Variants in RAB3GAP2 observed in about 807,000 individuals in gnomAD.
RAB3GAP2 encodes RAB3 GTPase activating non-catalytic protein subunit 2.
Under a neutral mutation model 185.3 loss-of-function variants are expected in RAB3GAP2, and 87 were observed. The ratio of observed to expected loss-of-function variants is 0.47; its 90% CI spans 0.39 to 0.56. RAB3GAP2 has a LOEUF of 0.56. Ranked by LOEUF, RAB3GAP2 falls within the 20% of genes least tolerant of loss-of-function variation. The pLI is 0.00. For missense variants in RAB3GAP2, 1,492 were observed against 1,638.2 expected (o/e 0.91, Z 1.54); for synonymous variants, 554 against 576.1 (o/e 0.96, Z 0.55).
intron 1 of RAB3GAP2, among the ~76,000 whole-genome samples, chr1:220,243,733 A>C (rs541081956): frequency 4.3e-4 from 65 of 152,334 alleles, no homozygotes; most frequent in African/African-American, 1.5e-3. Flanking sequence ...AAACAGCAAT[A>C]CAACGAGGTG....
chr1:220,159,741 G>C (rs1165999107), intron 28 of RAB3GAP2, among the ~76,000 whole-genome samples: 1 of 152,162 alleles, frequency 6.6e-6, no homozygotes, highest in Non-Finnish European at 1.5e-5. Flanking sequence ...GCCTGGGCCG[G>C]GTGTGGTAGT....
chr1:220,256,855 CAA>C (rs2102528283), intron 1 of RAB3GAP2, among the ~76,000 whole-genome samples: 1 of 152,244 alleles, frequency 6.6e-6, no homozygotes, highest in African/African-American at 2.4e-5. Flanking sequence ...AGAAAATTAA[CAA>C]AGATATTCAG....
intron 1 of RAB3GAP2, among the ~76,000 whole-genome samples, chr1:220,248,018 ATAT>A (rs910589137): frequency 2.6e-5 from 4 of 151,082 alleles, no homozygotes; most frequent in Non-Finnish European, 4.4e-5. Flanking sequence ...TTAAATAAAA[ATAT>A]TATGAGATCC....
intron 18 of RAB3GAP2, among the ~76,000 whole-genome samples, chr1:220,184,746 T>C (rs2102866381): frequency 6.6e-6 from 1 of 152,212 alleles, no homozygotes; most frequent in East Asian, 1.9e-4. Flanking sequence ...GAAGATAACT[T>C]TTCATTTAAT....
At chr1:220,153,863 G>A in intron 32 of RAB3GAP2, 105 bp downstream of exon 32, 2 of 1,493,036 alleles carry the variant, frequency 1.3e-6, no homozygotes, top group Non-Finnish European at 1.8e-6. Flanking sequence ...TTGGTTTTCT[G>A]TCCTTGCGAT....
intron 1 of RAB3GAP2, among the ~76,000 whole-genome samples, chr1:220,252,073 T>C (rs968847283): frequency 6.7e-6 from 1 of 149,930 alleles, no homozygotes. Flanking sequence ...GCAGGATCAA[T>C]TGAGCCCAGA....
intron 1 of RAB3GAP2, among the ~76,000 whole-genome samples, chr1:220,251,874 TG>T (rs908246941): frequency 1.3e-5 from 2 of 152,116 alleles, no homozygotes; most frequent in African/African-American, 4.8e-5. Context: ...TGCTATAGAC[TG>T]GGTGCGGTGG....
chr1:220,195,493 A>G (rs1380344966), intron 10 of RAB3GAP2, 116 bp from the exon 11 acceptor site: 10 of 943,974 alleles, frequency 1.1e-5, no homozygotes, highest in Non-Finnish European at 1.7e-5. Context: ...TGGACTAGCA[A>G]CTCAGCTTCT....
intron 10 of RAB3GAP2, 23 bp downstream of exon 10, chr1:220,196,227 A>T: frequency 1.2e-6 from 2 of 1,608,718 alleles, no homozygotes; most frequent in East Asian, 2.2e-5. Context: ...AGCCTTACTC[A>T]TGATCATTGA....
At chr1:220,252,762 C>T (rs1475606486) in intron 1 of RAB3GAP2, among the ~76,000 whole-genome samples, 2 of 152,170 alleles carry the variant, frequency 1.3e-5, no homozygotes, top group Non-Finnish European at 2.9e-5. Context: ...ATACACAGAG[C>T]TGTGTAGAGT....
chr1:220,171,917 T>C lies in RAB3GAP2; in HGVS notation c.2549A>G (p.Gln850Arg). The change falls in exon 23 of 35, where the codon CAG becomes CGG. Residue 850 changes from glutamine (Q) to arginine (R), a missense_variant. Physicochemically the swap from Gln to Arg is conservative, Grantham distance 43. This residue lies in a region of RAB3GAP2 where 681 missense variants were observed against 689.1 expected (regional missense o/e 0.99). Coordinates refer to ENST00000358951, the MANE Select transcript of RAB3GAP2 (RefSeq NM_012414.4). ...TTTCTCTGTCATGTTGTTTGATATC[T>C]GTGCAGCAACAGAATGCCCAACATG... ...SAHVGHSVAA[Q>R]ISNNMTEKKF... 6.2e-7 allele frequency: 1 copy of C among 1,614,212 alleles called. No individual in the cohort carries two copies. The highest frequency in any genetic ancestry group is 8.5e-7 in the Non-Finnish European group (1 of 1,180,022).
In RAB3GAP2 at chr1:220,166,867, T is replaced by A. The variant is rs1658078086; in HGVS notation, c.3087+426A>T. Reference sequence around the variant, plus strand: ...CACTCTTGACTTTTATCACGATGACTATAATATTAAGAATATTGTGTTCGG... The same window carrying A: ...CACTCTTGACTTTTATCACGATGACAATAATATTAAGAATATTGTGTTCGG... On this transcript the variant is annotated intron_variant, in intron 26 of 34. Transcript: ENST00000358951. Among the ~76,000 whole-genome samples, 3 of 152,352 alleles carry A rather than the reference T, an allele frequency of 2.0e-5. 1 individual carries two copies. The South Asian group carries it at 6.2e-4, about 32-fold the overall frequency.
rs182697147 is a variant in RAB3GAP2, at chr1:220,234,345, T to C, written c.116-1482A>G. On this transcript the variant is annotated intron_variant, in intron 1 of 34. Transcript: ENST00000358951. ...AGCAGGAAGCAAATAGATTCACTTA[T>C]ATACGAGGTTTTAAAGGTTGCTGAA... is the stretch of plus-strand genomic sequence containing the variant. Among the ~76,000 whole-genome samples, 6 of 152,364 alleles carry C rather than the reference T, an allele frequency of 3.9e-5. No homozygotes were observed. The East Asian group carries it at 5.8e-4, about 15-fold the overall frequency.
chr1:220,224,005 CAAAAAAA>C (rs1170784100), intron 2 of RAB3GAP2, among the ~76,000 whole-genome samples: 3 of 90,182 alleles, frequency 3.3e-5, no homozygotes, highest in African/African-American at 8.3e-5. Flanking sequence ...GACCCTATCT[CAAAAAAA>C]AAAAAAAAAA....
intron 4 of RAB3GAP2, 125 bp downstream of exon 4, chr1:220,212,762 G>T: frequency 1.2e-6 from 1 of 826,940 alleles, no homozygotes; most frequent in Non-Finnish European, 2.0e-6. Context: ...CAAAGTGCTA[G>T]GATTACAGAT....
chr1:220,223,874 G>A (rs1001329257), intron 2 of RAB3GAP2, among the ~76,000 whole-genome samples: 9 of 151,396 alleles, frequency 5.9e-5, no homozygotes, highest in Admixed American at 4.6e-4. Flanking sequence ...AATCCAGCCT[G>A]GGCAACATGG....
Position 220,183,705 on chromosome 1 carries a change from A to G in RAB3GAP2, c.1998+331T>C, listed in dbSNP as rs186373235. ...CGTAAACACTATAAAATAAAAACAT[A>G]GAAAAATATTCTCATTGTATCTACA... On this transcript the variant is annotated intron_variant, in intron 19 of 34. Coordinates refer to ENST00000358951, the MANE Select transcript of RAB3GAP2 (RefSeq NM_012414.4). 4.7e-3 allele frequency among the ~76,000 whole-genome samples: 722 copies of G among 152,336 alleles called. 5 individuals are homozygous for G. The highest frequency in any genetic ancestry group is 0.016 in the African/African-American group (675 of 41,582).
intron 9 of RAB3GAP2, among the ~76,000 whole-genome samples, chr1:220,201,647 G>A (rs1205914328): frequency 6.6e-6 from 1 of 151,958 alleles, no homozygotes; most frequent in Non-Finnish European, 1.5e-5. Flanking sequence ...ATACAGGTGT[G>A]CACCACCACA....
At chr1:220,167,018 T>C (rs1453552842) in intron 26 of RAB3GAP2, among the ~76,000 whole-genome samples, 1 of 152,222 alleles carries the variant, frequency 6.6e-6, no homozygotes, top group Non-Finnish European at 1.5e-5. Context: ...TCCTGACACT[T>C]ACTTAGCTGT....
Sources: allele counts gnomAD v4.1 joint callset (sites outside exome capture counted in the v4.1 genomes callset), GRCh38; gene constraint gnomAD v4.1.1; regional missense constraint gnomAD v4.1.1; transcripts MANE v1.5; gene names NCBI Gene and HGNC (gene_info 2026-07-23, HGNC 2026-07-21).